The following ACSF2 variants were observed in gnomAD, a reference collection of about 807,000 sequenced individuals.
ACSF2 encodes medium-chain acyl-CoA ligase ACSF2, mitochondrial.
In ACSF2, 52 loss-of-function variants were observed where a neutral mutation model predicts 79.3. The observed-to-expected ratio is 0.66, with a 90% CI of 0.53 to 0.83. The LOEUF is 0.83. Among genes scored for constraint, ACSF2 ranks in the 40% least tolerant of loss-of-function variants. The pLI, the probability that ACSF2 is intolerant of heterozygous loss-of-function variation, is 0.00. For missense variants in ACSF2, 661 were observed against 803.3 expected, an observed-to-expected ratio of 0.82 and a Z score of 2.14; for synonymous variants, 283 against 312.6, an observed-to-expected ratio of 0.91 and a Z score of 1.00.
In ACSF2 at chr17:50,470,637, G is replaced by A. The variant is rs1323470268; in HGVS notation, c.1216-391G>A. On this transcript the variant is annotated intron_variant, in intron 10 of 15. Coordinates refer to ENST00000300441, the MANE Select transcript of ACSF2 (RefSeq NM_025149.6). Reference sequence around the variant, plus strand: ...GCCTTCAGCTTGGAAGGGAGGAGCCGGGGATGTGGCCTGAAATCAGGAAGG... The same window carrying A: ...GCCTTCAGCTTGGAAGGGAGGAGCCAGGGATGTGGCCTGAAATCAGGAAGG... Among the ~76,000 whole-genome samples, 3 of 151,974 alleles carry A rather than the reference G, an allele frequency of 2.0e-5. No homozygotes were observed. In the South Asian group the frequency reaches 6.2e-4, roughly 32 times the overall value.
chr17:50,473,849 C>A, intron 13 of ACSF2, 43 bp downstream of exon 13: 1 of 1,612,196 alleles, frequency 6.2e-7, no homozygotes. Context: ...ACAAGAAACA[C>A]ACATGAACAC....
rs564716207 is a variant in ACSF2 at position 50,474,628 on chromosome 17, G to T, written c.*76G>T. ...AATGCAACCTGGCTTTATGCACCTA[G>T]ATGTCCCCAGCACCCAGTTCTGAGC... is the stretch of plus-strand genomic sequence containing the variant. On this transcript the variant is annotated 3_prime_UTR_variant, in exon 16 of 16. Transcript: ENST00000300441. The surrounding 1 kb of genome is among the most constrained non-coding windows in gnomAD (Gnocchi z 4.2). 3.0e-5 allele frequency: 43 copies of T among 1,422,128 alleles called. No homozygotes were observed. In the African/African-American group the frequency reaches 5.9e-4, roughly 20 times the overall value. 88.1% of individuals were successfully genotyped at this position (1,422,128 alleles called of 1,614,324 possible).
At chr17:50,466,968 G>A (rs1156619175) in intron 10 of ACSF2, among the ~76,000 whole-genome samples, 1 of 152,206 alleles carries the variant, frequency 6.6e-6, no homozygotes, top group Non-Finnish European at 1.5e-5. Context: ...AAGGTTGGCT[G>A]CTGCCCAAGT....
chr17:50,464,042 A>T, intron 9 of ACSF2, 133 bp downstream of exon 9: 1 of 417,548 alleles, frequency 2.4e-6, no homozygotes, highest in Non-Finnish European at 4.0e-6. Flanking sequence ...TGTGGGTGGG[A>T]GGGAGGGAGA....
chr17:50,464,405 C>T, intron 10 of ACSF2, 111 bp downstream of exon 10: 1 of 1,100,308 alleles, frequency 9.1e-7, no homozygotes, highest in Non-Finnish European at 1.4e-6. Context: ...CCCTCTCAGC[C>T]AGCCCTCCTT....
At chr17:50,435,606 G>A (rs953421247) in intron 1 of ACSF2, among the ~76,000 whole-genome samples, 2 of 150,412 alleles carry the variant, frequency 1.3e-5, no homozygotes, top group African/African-American at 2.5e-5. Context: ...AGAGATGGAT[G>A]GCACTGTGTT....
chr17:50,432,557 T>C (rs967623331), intron 1 of ACSF2, among the ~76,000 whole-genome samples: 2 of 152,202 alleles, frequency 1.3e-5, no homozygotes, highest in Non-Finnish European at 2.9e-5. Context: ...CAGGCCAACA[T>C]GCAGGCTGTA....
chr17:50,473,539 C>A, intron 12 of ACSF2, 126 bp from the exon 13 acceptor site: 2 of 1,334,222 alleles, frequency 1.5e-6, no homozygotes, highest in Non-Finnish European at 2.1e-6. Context: ...CTTGTTCCTG[C>A]TATGTCTCCC....
intron 9 of ACSF2, 85 bp from the exon 10 acceptor site, chr17:50,464,133 T>C (rs2032530195): frequency 2.1e-6 from 3 of 1,448,564 alleles, no homozygotes; most frequent in Non-Finnish European, 2.9e-6. Context: ...AAAGGGAATG[T>C]TCCTCCCCTG....
chr17:50,466,887 A>T (rs1183471709), intron 10 of ACSF2, among the ~76,000 whole-genome samples: 1 of 151,974 alleles, frequency 6.6e-6, no homozygotes, highest in Non-Finnish European at 1.5e-5. Context: ...GCCACAGGGG[A>T]CTCCAACTTC....
chr17:50,428,866 C>A (rs923963887), intron 1 of ACSF2, among the ~76,000 whole-genome samples: 8 of 152,268 alleles, frequency 5.3e-5, no homozygotes, highest in Admixed American at 2.6e-4. Context: ...CTGCGTCATG[C>A]TAGCACATGC....
intron 1 of ACSF2, among the ~76,000 whole-genome samples, chr17:50,448,437 A>G (rs1331581677): frequency 6.6e-6 from 1 of 152,238 alleles, no homozygotes; most frequent in Non-Finnish European, 1.5e-5. Flanking sequence ...ATTGTGTCAC[A>G]TTCACAAGGG....
chr17:50,465,851 A>G, intron 10 of ACSF2: 1 of 1,613,914 alleles, frequency 6.2e-7, no homozygotes, highest in Non-Finnish European at 8.5e-7. Flanking sequence ...GGTTACACCC[A>G]GGAAGGCACC....
intron 1 of ACSF2, among the ~76,000 whole-genome samples, chr17:50,457,742 A>G (rs1598415157): frequency 6.6e-6 from 1 of 152,192 alleles, no homozygotes; most frequent in African/African-American, 2.4e-5. Context: ...GAGGGCTGGG[A>G]GCAGTGTCTT....
In ACSF2 at chr17:50,474,240, A is replaced by G; in HGVS notation, c.1770A>G (p.Thr590=). ...FKIPKYIVFV[T]NYPLTISGKI... ...TTCCGAAGTACATCGTGTTTGTCAC[A>G]AACTACCCCCTCACCATTTCAGGAA... Residue 590 remains threonine, a synonymous_variant, in exon 15 of 16, where the codon ACA becomes ACG. Transcript: ENST00000300441. The surrounding 1 kb of genome is among the most constrained non-coding windows in gnomAD (Gnocchi z 4.2). 6.2e-7 allele frequency: 1 copy of G among 1,614,222 alleles called. No individual in the cohort carries two copies. Among genetic ancestry groups the G allele is most frequent in the Non-Finnish European group, 8.5e-7 (1 of 1,180,044 alleles).
Position 50,473,774 on chromosome 17 carries a change from T to A in ACSF2, c.1585T>A (p.Phe529Ile). 1 of 1,614,214 alleles carries A rather than the reference T, an allele frequency of 6.2e-7. No individual in the cohort carries two copies. Among genetic ancestry groups the A allele is most frequent in the South Asian group, 1.1e-5 (1 of 91,082 alleles). Residue 529 changes from phenylalanine to isoleucine, a missense_variant, in exon 13 of 16, where the codon TTT becomes ATT. Coordinates refer to ENST00000300441, the MANE Select transcript of ACSF2 (RefSeq NM_025149.6). ...CTACCCCGCAGAGCTCGAGGACTTC[T>A]TTCACACACACCCGAAGGTGCAGGA... ...NIYPAELEDF[F>I]HTHPKVQEVQ... is the part of the protein sequence containing the mutation.
chr17:50,456,266 G>T (rs2031989507), intron 1 of ACSF2, among the ~76,000 whole-genome samples: 1 of 152,182 alleles, frequency 6.6e-6, no homozygotes, highest in Non-Finnish European at 1.5e-5. Flanking sequence ...TGGAGGAGAA[G>T]GCTCTTGTCT....
intron 1 of ACSF2, among the ~76,000 whole-genome samples, chr17:50,439,869 A>T (rs1045812674): frequency 6.6e-6 from 1 of 152,084 alleles, no homozygotes; most frequent in African/African-American, 2.4e-5. Context: ...TTTAATTTAT[A>T]CTTCCCTGAT....
intron 1 of ACSF2, among the ~76,000 whole-genome samples, chr17:50,429,998 C>T (rs913935625): frequency 2.6e-5 from 4 of 152,226 alleles, no homozygotes; most frequent in African/African-American, 9.6e-5. Flanking sequence ...GAGCAGGCTT[C>T]CCCCAGACCT....
Sources: gnomAD v4.1 joint callset for allele counts (sites outside exome capture counted in the v4.1 genomes callset) on GRCh38, gnomAD v4.1.1 for gene constraint, Gnocchi (gnomAD v3.1) non-coding constraint, MANE v1.5 for transcripts, NCBI Gene and HGNC (gene_info 2026-07-23, HGNC 2026-07-21) for gene names.